The following ATXN7 variants were observed in gnomAD, a reference collection of about 807,000 sequenced individuals.
The protein encoded by ATXN7 is ataxin-7.
ATXN7 carries 12 observed loss-of-function variants against 70.5 expected under a neutral mutation model. The observed-to-expected ratio is 0.17, with a 90% CI of 0.11 to 0.28. ATXN7 has a LOEUF of 0.28. Ranked by LOEUF, ATXN7 falls within the 10% of genes least tolerant of loss-of-function variation. ATXN7 has a pLI of 1.00. For synonymous variants in ATXN7, 498 were observed against 448.7 expected, an observed-to-expected ratio of 1.11 and a Z score of -1.39; for missense variants, 1,256 against 1,131.7, an observed-to-expected ratio of 1.11 and a Z score of -1.58.
At chr3:63,991,923 A>G (rs1037031670) in intron 11 of ATXN7, among the ~76,000 whole-genome samples, 3 of 152,174 alleles carry the variant, frequency 2.0e-5, no homozygotes, top group African/African-American at 4.8e-5. Flanking sequence ...CGTCATGTAT[A>G]ATGTGGAACA....
Position 63,937,779 on chromosome 3 carries a change from A to G in ATXN7, c.395-14600A>G, listed in dbSNP as rs80047563. On this transcript the variant is annotated intron_variant, in intron 4 of 12. Transcript: ENST00000674280. ...CAGGAGTCAACTAGTTTTAACCTTT[A>G]ACACTAGCCCCACCTCTTGTCAGCT... Among the ~76,000 whole-genome samples the G allele has an allele frequency of 3.1e-3, 471 of 152,240 alleles. 3 individuals carry two copies. The highest frequency in any genetic ancestry group is 0.011 in the African/African-American group (454 of 41,546).
At chr3:63,961,034 A>G (rs1465902618) in intron 5 of ATXN7, among the ~76,000 whole-genome samples, 1 of 152,214 alleles carries the variant, frequency 6.6e-6, no homozygotes, top group Non-Finnish European at 1.5e-5. Flanking sequence ...AAAATAAAAT[A>G]CATTGTAAAA....
At chr3:63,863,723 G>A (rs1024632373), upstream of ATXN7, 13 of 1,248,474 alleles carry the variant, frequency 1.0e-5, no homozygotes, top group Non-Finnish European at 1.3e-5. Context: ...CTCAGGGGAG[G>A]CCCAGCGGGC....
chr3:63,983,778 A>C (rs2075527583), intron 8 of ATXN7, among the ~76,000 whole-genome samples: 1 of 152,280 alleles, frequency 6.6e-6, no homozygotes, highest in Non-Finnish European at 1.5e-5. Flanking sequence ...GGGTGGCTTC[A>C]GGTCATCAGT....
At chr3:63,891,010 T>C (rs1703242814) in intron 1 of ATXN7, among the ~76,000 whole-genome samples, 1 of 152,042 alleles carries the variant, frequency 6.6e-6, no homozygotes, top group South Asian at 2.1e-4. Flanking sequence ...TATTTTATTT[T>C]ATTTATTTGT....
At chr3:63,918,711 C>T (rs1704386251) in intron 4 of ATXN7, among the ~76,000 whole-genome samples, 1 of 152,188 alleles carries the variant, frequency 6.6e-6, no homozygotes, top group East Asian at 1.9e-4. Context: ...CTGATCCTCT[C>T]TGTGGGTGTG....
chr3:63,969,031 C>T (rs17069561), intron 5 of ATXN7, among the ~76,000 whole-genome samples: 2,639 of 152,214 alleles, frequency 0.017, 86 homozygotes, highest in African/African-American at 0.059. Context: ...TTTCTGCTTT[C>T]GTTTTTGCAT....
intron 2 of ATXN7, chr3:63,905,198 T>C (rs1260072615): frequency 6.6e-6 from 1 of 152,136 alleles, no homozygotes; most frequent in African/African-American, 2.4e-5. Context: ...GTTTTCATTC[T>C]TTTTTAATTT....
intron 4 of ATXN7, among the ~76,000 whole-genome samples, chr3:63,919,439 T>C (rs543715502): frequency 1.3e-5 from 2 of 152,346 alleles, no homozygotes; most frequent in East Asian, 3.9e-4. Flanking sequence ...AACTGTCTAT[T>C]TTGAAGGGGA....
At chr3:63,929,664 A>T (rs752680482) in intron 4 of ATXN7, among the ~76,000 whole-genome samples, 4 of 152,074 alleles carry the variant, frequency 2.6e-5, no homozygotes, top group Admixed American at 6.6e-5. Flanking sequence ...GATTGATCTG[A>T]CCTCTCATTC....
intron 4 of ATXN7, among the ~76,000 whole-genome samples, chr3:63,914,535 G>A (rs1704184491): frequency 6.6e-6 from 1 of 152,204 alleles, no homozygotes; most frequent in Admixed American, 6.5e-5. Flanking sequence ...TTGGCAGCCT[G>A]CCTGGGCTTA....
chr3:63,863,698 C>CGGGAGGCCAGGGGTCTCAG (rs1157435407), upstream of ATXN7: 1 of 1,241,596 alleles, frequency 8.1e-7, no homozygotes, highest in African/African-American at 1.6e-5. Flanking sequence ...GGAAGCGGGC[C>CGGGAGGCCAGGGGTCTCAG]GGGAGGCCAG....
intron 11 of ATXN7, among the ~76,000 whole-genome samples, chr3:63,994,534 C>T (rs1004338378): frequency 2.0e-5 from 3 of 152,096 alleles, no homozygotes; most frequent in East Asian, 1.9e-4. Context: ...TGCGCCTGGC[C>T]GAATGGGATT....
At chr3:63,985,061 TTGTC>T (rs1238977845) in intron 8 of ATXN7, among the ~76,000 whole-genome samples, 6 of 152,242 alleles carry the variant, frequency 3.9e-5, no homozygotes, top group Non-Finnish European at 8.8e-5. Flanking sequence ...TTTCTACATC[TTGTC>T]TATTATAAAT....
rs770364745 is a variant in ATXN7, at chr3:63,912,714, A to AGCAGCAGCAGCCGCC, written c.118_119insAGCAGCAGCCGCCGC (p.Gln39_Pro40insGlnGlnGlnProPro). On this transcript the variant is annotated inframe_insertion, in exon 3 of 13. Transcript: ENST00000674280. ...CAGCAGCAGCAGCAGCAGCAGCAGC[A>AGCAGCAGCAGCCGCC]GCCGCCGCCTCCGCAGCCCCAGCGG... is the stretch of plus-strand genomic sequence containing the variant. 5.9e-5 allele frequency: 71 copies of AGCAGCAGCAGCCGCC among 1,212,622 alleles called. No individual in the cohort carries two copies. In the South Asian group the frequency reaches 1.5e-3, roughly 26 times the overall value. The allele number at this position is 1,212,622 out of a possible 1,614,324, so 75.1% of individuals were successfully genotyped here. A position where few individuals can be genotyped will look rare whatever the true frequency, so the allele number is the denominator to read the frequency against.
At chr3:63,915,035 A>C (rs879462188) in intron 4 of ATXN7, among the ~76,000 whole-genome samples, 1 of 152,134 alleles carries the variant, frequency 6.6e-6, no homozygotes, top group African/African-American at 2.4e-5. Context: ...TCCCAGGTTC[A>C]AGCGATTCTC....
chr3:63,993,096 A>G (rs530758227), intron 11 of ATXN7, among the ~76,000 whole-genome samples: 2 of 152,230 alleles, frequency 1.3e-5, no homozygotes, highest in South Asian at 4.1e-4. Flanking sequence ...CAGTTTGTGG[A>G]GTCTCAGGCC....
At chr3:63,913,384 A>G (rs1337930519) in intron 4 of ATXN7, among the ~76,000 whole-genome samples, 159 bp downstream of exon 4, 1 of 152,030 alleles carries the variant, frequency 6.6e-6, no homozygotes, top group Admixed American at 6.6e-5. Context: ...GAGCGCTTGG[A>G]AAGTTTGGTT....
chr3:63,899,343 T>C lies in ATXN7; in HGVS notation c.-12+846T>C, dbSNP rs1430964568. Among the ~76,000 whole-genome samples the C allele has an allele frequency of 2.0e-5, 3 of 152,014 alleles. No homozygotes were observed. In the East Asian group the frequency reaches 5.8e-4, roughly 30 times the overall value. The stretch of plus-strand genomic sequence containing the variant: ...TCCCAAAGTGGTGGGATTTCAGGCA[T>C]GAGCCACCAACGCCTGGCACATTAA... On this transcript the variant is annotated intron_variant, in intron 2 of 12. Transcript: ENST00000674280.
Sources: gnomAD v4.1 joint callset for allele counts (sites outside exome capture counted in the v4.1 genomes callset) on GRCh38, gnomAD v4.1.1 for gene constraint, MANE v1.5 for transcripts, NCBI Gene and HGNC (gene_info 2026-07-23, HGNC 2026-07-21) for gene names.